Variants in ZNF469 observed in about 807,000 individuals in gnomAD.
ZNF469 encodes the protein zinc finger protein 469.
A neutral mutation model predicts 1.0 loss-of-function variants in ZNF469; 1 was observed. That is an observed-to-expected ratio of 1.00 (90% CI 0.35 to 4.73). ZNF469 has a LOEUF of 4.73. Ranked by LOEUF, ZNF469 falls within the 30% of genes most tolerant of loss-of-function variation. The probability of loss-of-function intolerance (pLI) is 0.16; values close to 1 mark genes in which losing one functional copy is unlikely to be tolerated. For missense variants in ZNF469, 6,100 were observed against 5,356.3 expected (o/e 1.14, Z -4.33); for synonymous variants, 2,703 against 2,363.4 (o/e 1.14, Z -4.17).
At chr16:88,327,884 C>T in the ZNF469 span, among the ~76,000 whole-genome samples, 1 of 152,230 alleles carries the variant, frequency 6.6e-6, no homozygotes, top group African/African-American at 2.4e-5. Context: ...CGGAAACACA[C>T]CCAGCAGAGC....
chr16:88,417,011 C>T (rs1382145352), intron 1 of ZNF469, among the ~76,000 whole-genome samples: 1 of 152,230 alleles, frequency 6.6e-6, no homozygotes, highest in East Asian at 1.9e-4. Flanking sequence ...ACTCGGCTTC[C>T]TTCTCGCTGT....
chr16:88,238,907 C>T, the ZNF469 span, among the ~76,000 whole-genome samples: 16 of 151,966 alleles, frequency 1.1e-4, no homozygotes, highest in African/African-American at 2.2e-4. Flanking sequence ...TGTGGAGATC[C>T]GGCCTCCCTC....
the ZNF469 span, among the ~76,000 whole-genome samples, chr16:88,150,468 G>A: frequency 1.3e-5 from 2 of 152,156 alleles, no homozygotes; most frequent in Non-Finnish European, 2.9e-5. Context: ...ATCTAGACTT[G>A]CCCTCTGAGC....
the ZNF469 span, among the ~76,000 whole-genome samples, chr16:88,297,406 C>T: frequency 6.6e-6 from 1 of 152,182 alleles, no homozygotes; most frequent in Non-Finnish European, 1.5e-5. Context: ...TCTCCATGCA[C>T]TTTTTTTGTT....
the ZNF469 span, among the ~76,000 whole-genome samples, chr16:88,357,545 G>A: frequency 4.6e-5 from 7 of 152,174 alleles, no homozygotes; most frequent in South Asian, 2.1e-4. Flanking sequence ...GCCTCTTTCC[G>A]AGCCAGCATC....
At chr16:88,296,245 G>A in the ZNF469 span, among the ~76,000 whole-genome samples, 1 of 152,196 alleles carries the variant, frequency 6.6e-6, no homozygotes, top group African/African-American at 2.4e-5. Context: ...GCCTGGCGGG[G>A]ACATCCTCAT....
At chr16:88,149,272 C>T in the ZNF469 span, among the ~76,000 whole-genome samples, 24 of 152,320 alleles carry the variant, frequency 1.6e-4, no homozygotes, top group East Asian at 4.4e-3. Flanking sequence ...GGGAGACCTC[C>T]GTGGGCTCTC....
At position 88,436,013 on chromosome 16, in the gene ZNF469, A is replaced by T. The variant is rs1457868844; in HGVS notation, c.8543A>T (p.Asp2848Val). The part of the protein sequence containing the change: ...TPDASGSSAK[D>V]PPSLFDDEVS... ...GATGCCTCTGGCTCCAGTGCCAAGG[A>T]TCCTCCAAGCTTGTTTGATGATGAG... The change falls in exon 3 of 3, where the codon GAT becomes GTT. Residue 2848 changes from aspartate (D) to valine (V), a missense_variant. By Grantham distance (152) the Asp-to-Val change is radical. Transcript: ENST00000565624. 11 of 1,550,234 alleles carry T rather than the reference A, an allele frequency of 7.1e-6. No homozygotes were observed. The highest frequency in any genetic ancestry group is 9.6e-6 in the Non-Finnish European group (11 of 1,146,966).
chr16:88,266,724 C>G, the ZNF469 span, among the ~76,000 whole-genome samples: 1 of 152,160 alleles, frequency 6.6e-6, no homozygotes, highest in East Asian at 1.9e-4. Flanking sequence ...GAGCAGAATT[C>G]CTTCTGGAGT....
At chr16:88,384,963 T>A (rs1446793066) in intron 1 of ZNF469, among the ~76,000 whole-genome samples, 1 of 152,104 alleles carries the variant, frequency 6.6e-6, no homozygotes, top group Non-Finnish European at 1.5e-5. Context: ...AATGCACTGG[T>A]CCATCATCCT....
the ZNF469 span, among the ~76,000 whole-genome samples, chr16:88,189,243 A>G: frequency 6.6e-6 from 1 of 152,216 alleles, no homozygotes; most frequent in African/African-American, 2.4e-5. This position sits in a 1 kb window ranked among gnomAD's most constrained non-coding sequence, Gnocchi z 4.3. Flanking sequence ...ATGTCTCCAG[A>G]TAGCACCAGA....
chr16:88,114,848 CTG>C, the ZNF469 span, among the ~76,000 whole-genome samples: 1 of 152,230 alleles, frequency 6.6e-6, no homozygotes, highest in Non-Finnish European at 1.5e-5. Flanking sequence ...GGCTGCCGCA[CTG>C]AGAATTCTTG....
chr16:88,302,039 G>A, the ZNF469 span, among the ~76,000 whole-genome samples: 5 of 152,230 alleles, frequency 3.3e-5, no homozygotes, highest in Non-Finnish European at 2.9e-5. Flanking sequence ...TGGCAGGGCT[G>A]AGCCTGGCTC....
At chr16:88,148,539 A>T in the ZNF469 span, among the ~76,000 whole-genome samples, 2 of 152,142 alleles carry the variant, frequency 1.3e-5, no homozygotes, top group African/African-American at 4.8e-5. Flanking sequence ...CTGCGGCACC[A>T]ATGTCTCTGT....
At chr16:88,218,220 T>C in the ZNF469 span, among the ~76,000 whole-genome samples, 6 of 149,008 alleles carry the variant, frequency 4.0e-5, no homozygotes, top group Non-Finnish European at 6.0e-5. Flanking sequence ...TCATGTGTTT[T>C]TTGGCTGCAT....
chr16:88,220,914 A>G, the ZNF469 span, among the ~76,000 whole-genome samples: 2 of 152,108 alleles, frequency 1.3e-5, no homozygotes, highest in African/African-American at 4.8e-5. Context: ...CGGGTCTCAA[A>G]TTGCTGCCAT....
the ZNF469 span, among the ~76,000 whole-genome samples, chr16:88,316,540 GCTGT>G: frequency 4.8e-5 from 4 of 82,554 alleles, no homozygotes; most frequent in Non-Finnish European, 6.9e-5. Flanking sequence ...GAGTATAGGT[GCTGT>G]CTTTTTTTTT....
At chr16:88,153,727 G>T in the ZNF469 span, among the ~76,000 whole-genome samples, 2 of 152,352 alleles carry the variant, frequency 1.3e-5, no homozygotes, top group East Asian at 3.9e-4. Context: ...AAGGTCAAGG[G>T]CCCTACAGAG....
At chr16:88,266,685 T>A in the ZNF469 span, among the ~76,000 whole-genome samples, 4 of 152,204 alleles carry the variant, frequency 2.6e-5, no homozygotes, top group Non-Finnish European at 1.5e-5. Context: ...TCTGAGGACC[T>A]GGGACGTGCT....
Sources: allele counts gnomAD v4.1 joint callset (sites outside exome capture counted in the v4.1 genomes callset), GRCh38; gene constraint gnomAD v4.1.1; non-coding constraint Gnocchi (gnomAD v3.1); transcripts MANE v1.5; gene names NCBI Gene and HGNC (gene_info 2026-07-23, HGNC 2026-07-21).